Variants in BCO2 observed in about 807,000 individuals in gnomAD.
BCO2 encodes the protein carotenoid-cleaving dioxygenase, mitochondrial.
In BCO2, 56 loss-of-function variants were observed where a neutral mutation model predicts 65.8. The ratio of observed to expected loss-of-function variants is 0.85; its 90% CI spans 0.69 to 1.06. The LOEUF (loss-of-function observed/expected upper bound fraction) is 1.06, where lower values mean the gene tolerates loss of function less well. Among genes scored for constraint, BCO2 ranks in the 50% least tolerant of loss-of-function variants. The pLI is 0.00. For synonymous variants in BCO2, 233 were observed against 242.3 expected, an observed-to-expected ratio of 0.96 and a Z score of 0.36; for missense variants, 675 against 698.5, an observed-to-expected ratio of 0.97 and a Z score of 0.38.
rs188428329 is a variant in BCO2 at position 112,206,168 on chromosome 11, C to T, written c.1194+3978C>T. Among the ~76,000 whole-genome samples the T allele has an allele frequency of 6.0e-3, 909 of 150,550 alleles. 16 individuals carry two copies. Among genetic ancestry groups the T allele is most frequent in the African/African-American group, 0.021 (852 of 40,866 alleles). ...CTCACTTCCCAGACAGGGCGGGGGC[C>T]GGGCAGAGGCGCTCCTCACATCCCA... is the stretch of plus-strand genomic sequence containing the variant. On this transcript the variant is annotated intron_variant, in intron 8 of 11. Coordinates refer to ENST00000357685, the MANE Select transcript of BCO2 (RefSeq NM_031938.7).
At chr11:112,206,668 G>A (rs1309581735) in intron 8 of BCO2, among the ~76,000 whole-genome samples, 4 of 152,078 alleles carry the variant, frequency 2.6e-5, no homozygotes, top group Non-Finnish European at 5.9e-5. Context: ...TTTTTCCCCA[G>A]CCCATAGGTC....
Position 112,179,218 on chromosome 11 carries a change from A to C in BCO2, c.89-60A>C. 1.2e-5 allele frequency: 18 copies of C among 1,499,516 alleles called. 1 individual carries two copies. Among genetic ancestry groups the C allele is most frequent in the Non-Finnish European group, 1.7e-5 (18 of 1,079,592 alleles). The allele number at this position is 1,499,516 out of a possible 1,614,324, so 92.9% of individuals were successfully genotyped here. A position where few individuals can be genotyped will look rare whatever the true frequency, so the allele number is the denominator to read the frequency against. On this transcript the variant is annotated intron_variant, in intron 1 of 11. Coordinates refer to ENST00000357685, the MANE Select transcript of BCO2 (RefSeq NM_031938.7). ...GATAAGATTATTGTCTGTGGGAAAC[A>C]GGCAAGTTTATAGAAGATTTGGTAA...
Position 112,217,903 on chromosome 11 carries a change from GT to G in BCO2, c.*32del. ...GACAACCACAAGGTCTGGAAACTAGGTTTAAAATAAGTGTGCACTTGGACAT... is the reference window on the plus strand; with the variant it reads ...GACAACCACAAGGTCTGGAAACTAGGTTAAAATAAGTGTGCACTTGGACAT... On this transcript the variant is annotated 3_prime_UTR_variant, in exon 12 of 12. Coordinates refer to ENST00000357685, the MANE Select transcript of BCO2 (RefSeq NM_031938.7). 6.7e-7 allele frequency: 1 copy of G among 1,487,726 alleles called. No individual in the cohort carries two copies. The highest frequency in any genetic ancestry group is 9.3e-7 in the Non-Finnish European group (1 of 1,076,878). 92.2% of individuals were successfully genotyped at this position (1,487,726 alleles called of 1,614,324 possible).
At chr11:112,198,652 TGAA>T (rs1032692704) in intron 5 of BCO2, among the ~76,000 whole-genome samples, 4 of 152,030 alleles carry the variant, frequency 2.6e-5, no homozygotes, top group African/African-American at 9.7e-5. Context: ...CGTTGATTCT[TGAA>T]GAGCCAGTAA....
rs924184593 is a variant in BCO2 at position 112,194,638 on chromosome 11, G to T, written c.634-15G>T. On this transcript the variant is annotated splice_polypyrimidine_tract_variant and intron_variant, in intron 4 of 11. Coordinates refer to ENST00000357685, the MANE Select transcript of BCO2 (RefSeq NM_031938.7). ...ATCTGCCCATTAAAAATCTCCAGTG[G>T]TCTCAAATTTGCAGGTAGATTGGAG... 3.3e-6 allele frequency: 5 copies of T among 1,517,422 alleles called. No individual in the cohort carries two copies. The Admixed American group carries it at 5.0e-5, about 15-fold the overall frequency. 94.0% of individuals were successfully genotyped at this position (1,517,422 alleles called of 1,614,324 possible).
intron 2 of BCO2, chr11:112,181,588 G>A (rs1592834772): frequency 1.3e-6 from 1 of 757,720 alleles, no homozygotes; most frequent in Non-Finnish European, 2.5e-6. Flanking sequence ...AGGTGTGTTA[G>A]AAGAAGCAAG....
intron 5 of BCO2, among the ~76,000 whole-genome samples, chr11:112,197,022 G>T (rs566920787): frequency 7.1e-6 from 1 of 140,890 alleles, no homozygotes; most frequent in African/African-American, 2.7e-5. Flanking sequence ...TGCTTTCTTC[G>T]ATTAGAGATG....
chr11:112,197,812 C>T (rs1867622411), intron 5 of BCO2, among the ~76,000 whole-genome samples: 1 of 152,214 alleles, frequency 6.6e-6, no homozygotes, highest in Admixed American at 6.5e-5. Flanking sequence ...GACTCTCCTT[C>T]TCGCTTGTCA....
intron 5 of BCO2, among the ~76,000 whole-genome samples, chr11:112,197,322 G>A (rs538140080): frequency 1.3e-5 from 2 of 152,272 alleles, no homozygotes; most frequent in East Asian, 3.9e-4. Flanking sequence ...GCCAAGGCGG[G>A]TGTATTGCTT....
intron 1 of BCO2, among the ~76,000 whole-genome samples, chr11:112,177,208 A>G (rs976505649): frequency 9.2e-5 from 14 of 152,226 alleles, no homozygotes; most frequent in African/African-American, 3.1e-4. Context: ...TGTTAATAAA[A>G]GTAGAGTAAC....
intron 10 of BCO2, 169 bp downstream of exon 10, chr11:112,215,113 T>C (rs1425469783): frequency 9.3e-6 from 6 of 648,236 alleles, no homozygotes; most frequent in Non-Finnish European, 1.6e-5. Context: ...ATGTTCCTTC[T>C]AGGGAATCCA....
At chr11:112,215,277 C>G in intron 10 of BCO2, 1 of 323,958 alleles carries the variant, frequency 3.1e-6, no homozygotes, top group Non-Finnish European at 5.8e-6. Context: ...GAATCTGGGA[C>G]TGCAAAGACT....
Position 112,202,231 on chromosome 11 carries a change from G to A in BCO2, c.1194+41G>A, listed in dbSNP as rs1473669534. 1.9e-6 allele frequency: 3 copies of A among 1,547,378 alleles called. No individual in the cohort carries two copies. In the East Asian group the frequency reaches 6.9e-5, roughly 35 times the overall value. On this transcript the variant is annotated intron_variant, in intron 8 of 11. Transcript: ENST00000357685. The stretch of plus-strand genomic sequence containing the variant: ...TGTCAAGAGTCATCAAAATAATTTT[G>A]AACTCCAAGATCTGGCTTTGGCTTT...
intron 9 of BCO2, 42 bp from the exon 10 acceptor site, chr11:112,214,720 G>T (rs1213549045): frequency 3.2e-6 from 5 of 1,559,752 alleles, no homozygotes; most frequent in South Asian, 1.1e-5. Flanking sequence ...AGGAAAATAA[G>T]AATTAAGCAA....
At chr11:112,208,594 G>A (rs142273887) in intron 8 of BCO2, 3 of 228,014 alleles carry the variant, frequency 1.3e-5, no homozygotes, top group African/African-American at 2.3e-5. Flanking sequence ...CCTTCTCGGG[G>A]GTCATGATGG....
intron 8 of BCO2, among the ~76,000 whole-genome samples, chr11:112,212,751 A>T (rs993428768): frequency 2.0e-5 from 3 of 152,218 alleles, no homozygotes; most frequent in Non-Finnish European, 4.4e-5. Context: ...ATAAGCATAA[A>T]ACCCCTACAT....
chr11:112,179,700 T>C, intron 2 of BCO2: 1 of 544,562 alleles, frequency 1.8e-6, no homozygotes, highest in South Asian at 2.1e-5. Context: ...TGAAGCCCTC[T>C]GTGGTTTGTA....
At chr11:112,190,811 G>A (rs370734406) in intron 2 of BCO2, among the ~76,000 whole-genome samples, 1 of 147,470 alleles carries the variant, frequency 6.8e-6, no homozygotes, top group Middle Eastern at 3.5e-3. Context: ...AGCTGAGATC[G>A]TGCCACTGCA....
chr11:112,207,887 G>GTT (rs71463412), intron 8 of BCO2, among the ~76,000 whole-genome samples: 13 of 145,426 alleles, frequency 8.9e-5, no homozygotes, highest in African/African-American at 7.6e-5. Flanking sequence ...TTATTCCTAG[G>GTT]TTTTTTTTTT....
Sources: gnomAD v4.1 joint callset for allele counts (sites outside exome capture counted in the v4.1 genomes callset) on GRCh38, gnomAD v4.1.1 for gene constraint, MANE v1.5 for transcripts, NCBI Gene and HGNC (gene_info 2026-07-23, HGNC 2026-07-21) for gene names.